The following GPC6 variants were observed in gnomAD, a reference collection of about 807,000 sequenced individuals.
GPC6 encodes the protein glypican-6.
Under a neutral mutation model 55.2 loss-of-function variants are expected in GPC6, and 14 were observed. The ratio of observed to expected loss-of-function variants is 0.25; its 90% confidence interval spans 0.17 to 0.40. The LOEUF is 0.40. Ranked by LOEUF, GPC6 falls within the 10% of genes least tolerant of loss-of-function variation. GPC6 has a pLI of 1.00. For missense variants in GPC6, 641 were observed against 708.5 expected (o/e 0.90, Z 1.08); for synonymous variants, 278 against 259.6 (o/e 1.07, Z -0.68).
chr13:94,140,408 T>C (rs1887332016), intron 4 of GPC6, among the ~76,000 whole-genome samples: 1 of 152,214 alleles, frequency 6.6e-6, no homozygotes, highest in Non-Finnish European at 1.5e-5. Flanking sequence ...GTTTAAAATA[T>C]GTTTAGAATT....
intron 2 of GPC6, among the ~76,000 whole-genome samples, chr13:93,821,321 T>A (rs1887039180): frequency 6.6e-6 from 1 of 152,200 alleles, no homozygotes. Flanking sequence ...AAGTATGTTC[T>A]CTGAAACACT....
intron 3 of GPC6, among the ~76,000 whole-genome samples, chr13:93,915,113 G>A (rs1351611262): frequency 6.6e-6 from 1 of 152,146 alleles, no homozygotes; most frequent in Admixed American, 6.5e-5. Flanking sequence ...CGTGCTTTCA[G>A]TCTTGGAATT....
intron 2 of GPC6, among the ~76,000 whole-genome samples, chr13:93,616,859 A>C (rs574635265): frequency 6.6e-6 from 1 of 152,194 alleles, no homozygotes; most frequent in African/African-American, 2.4e-5. Context: ...GTAATGATTA[A>C]CTTTACTAAA....
Position 93,816,878 on chromosome 13 carries a change from T to A in GPC6, c.320-13276T>A, listed in dbSNP as rs1301026824. On this transcript the variant is annotated intron_variant, in intron 2 of 8. Transcript: ENST00000377047. ...GTCTTTTGTTTCTATCTTAGCATAC[T>A]ATTACGGTATTATATTTTGTATTAA... Among the ~76,000 whole-genome samples, 3 of 152,248 alleles carry A rather than the reference T, an allele frequency of 2.0e-5. No homozygotes were observed. The East Asian group carries it at 5.8e-4, about 29-fold the overall frequency.
chr13:94,372,739 G>A (rs539528539), intron 6 of GPC6, among the ~76,000 whole-genome samples: 5 of 152,336 alleles, frequency 3.3e-5, no homozygotes, highest in African/African-American at 7.2e-5. Context: ...GCCTGCCTCT[G>A]TAGGCTCCAC....
chr13:93,540,146 T>C (rs1207580005), intron 1 of GPC6, among the ~76,000 whole-genome samples: 1 of 152,114 alleles, frequency 6.6e-6, no homozygotes, highest in Non-Finnish European at 1.5e-5. Flanking sequence ...GCAGAATGAA[T>C]GCCAGGCTGG....
chr13:93,953,420 T>G lies in GPC6; in HGVS notation c.712-74309T>G, dbSNP rs554626709. ...TATTTGGTCTCCACTTATTTCATTT[T>G]TATTCATTATTGTCCTGGTTCTTTG... On this transcript the variant is annotated intron_variant, in intron 3 of 8. Coordinates refer to ENST00000377047, the MANE Select transcript of GPC6 (RefSeq NM_005708.5). 9.1e-4 allele frequency among the ~76,000 whole-genome samples: 138 copies of G among 152,302 alleles called. 1 individual carries two copies. The highest frequency in any genetic ancestry group is 3.2e-3 in the African/African-American group (133 of 41,550).
At chr13:93,700,776 A>G (rs1202777689) in intron 2 of GPC6, among the ~76,000 whole-genome samples, 1 of 152,080 alleles carries the variant, frequency 6.6e-6, no homozygotes, top group African/African-American at 2.4e-5. Flanking sequence ...AAGTTTTCTC[A>G]AAGCAAGGAT....
At chr13:93,815,731 A>G (rs1396963081) in intron 2 of GPC6, among the ~76,000 whole-genome samples, 1 of 152,302 alleles carries the variant, frequency 6.6e-6, no homozygotes, top group Non-Finnish European at 1.5e-5. Flanking sequence ...TTACACAATA[A>G]TACTTTGTCT....
chr13:93,279,519 G>A (rs1877874490), intron 1 of GPC6, among the ~76,000 whole-genome samples: 1 of 152,084 alleles, frequency 6.6e-6, no homozygotes. Context: ...CTTGATTGCA[G>A]AACTATCTTT....
intron 6 of GPC6, among the ~76,000 whole-genome samples, chr13:94,366,934 G>A (rs976426306): frequency 6.6e-6 from 1 of 152,180 alleles, no homozygotes; most frequent in African/African-American, 2.4e-5. Context: ...AGAGAGAAAA[G>A]TTGAGGGCTC....
intron 4 of GPC6, among the ~76,000 whole-genome samples, chr13:94,283,827 A>G (rs1459284592): frequency 6.6e-6 from 1 of 152,208 alleles, no homozygotes; most frequent in East Asian, 1.9e-4. Flanking sequence ...GAGCAGAGTT[A>G]AAAATAATGT....
At chr13:93,655,319 G>C (rs1307926888) in intron 2 of GPC6, among the ~76,000 whole-genome samples, 1 of 152,078 alleles carries the variant, frequency 6.6e-6, no homozygotes, top group Non-Finnish European at 1.5e-5. Context: ...AGTCATGCCT[G>C]TGCTGAGTTT....
intron 1 of GPC6, among the ~76,000 whole-genome samples, chr13:93,367,838 G>C (rs1212189765): frequency 6.6e-6 from 1 of 151,980 alleles, no homozygotes; most frequent in Non-Finnish European, 1.5e-5. Context: ...GTTGAGGATT[G>C]TTTTATGACC....
intron 1 of GPC6, among the ~76,000 whole-genome samples, chr13:93,510,678 G>T (rs1880920810): frequency 6.6e-6 from 1 of 151,836 alleles, no homozygotes; most frequent in Admixed American, 6.6e-5. Context: ...ATACCCAGTA[G>T]TGGGATTCCT....
chr13:93,445,224 C>T (rs1158569063), intron 1 of GPC6, among the ~76,000 whole-genome samples: 4 of 152,204 alleles, frequency 2.6e-5, no homozygotes, highest in African/African-American at 7.2e-5. Context: ...TCTTTCGTTT[C>T]GTAACCAGCC....
At chr13:93,937,131 T>G (rs998773219) in intron 3 of GPC6, among the ~76,000 whole-genome samples, 4 of 152,234 alleles carry the variant, frequency 2.6e-5, no homozygotes, top group Admixed American at 6.5e-5. Context: ...ATTGGGCTAT[T>G]GCATATGTTT....
chr13:93,916,127 T>C (rs1219118540), intron 3 of GPC6, among the ~76,000 whole-genome samples: 1 of 152,108 alleles, frequency 6.6e-6, no homozygotes, highest in Non-Finnish European at 1.5e-5. Flanking sequence ...TTTGACACAG[T>C]AGCCAGTGCA....
chr13:93,464,032 T>C (rs572751293), intron 1 of GPC6, among the ~76,000 whole-genome samples: 2 of 152,284 alleles, frequency 1.3e-5, no homozygotes, highest in Admixed American at 1.3e-4. Flanking sequence ...GCATAAAACT[T>C]AAGTTTACAC....
Sources: gnomAD v4.1 joint callset for allele counts (sites outside exome capture counted in the v4.1 genomes callset) on GRCh38, gnomAD v4.1.1 for gene constraint, MANE v1.5 for transcripts, NCBI Gene and HGNC (gene_info 2026-07-23, HGNC 2026-07-21) for gene names.